ZNF483: variants seen among roughly 807,000 people sequenced by gnomAD.
ZNF483 encodes zinc finger protein HIT-10.
ZNF483 carries 9 observed loss-of-function variants against 28.6 expected under a neutral mutation model. The observed-to-expected ratio is 0.32, with a 90% CI of 0.19 to 0.55. The LOEUF is 0.55. ZNF483 is among the 20% of genes least tolerant of loss of function. The probability of loss-of-function intolerance (pLI) is 0.93; values close to 1 mark genes in which losing one functional copy is unlikely to be tolerated. For synonymous variants in ZNF483, 322 were observed against 306.2 expected (o/e 1.05, Z -0.54); for missense variants, 675 against 871.7 (o/e 0.77, Z 2.84).
At position 111,561,110 on chromosome 9, in the gene ZNF483, T is replaced by TATATATATATATAGAG. The variant is rs1457364862; in HGVS notation, c.722-15254_722-15253insTATATATATATAGAGA. On this transcript the variant is annotated intron_variant, in intron 5 of 5. Transcript: ENST00000358151. Reference sequence around the variant, plus strand: ...ATATATATATATATATATATATATATAGAGAGAGAGAGAGAGAGAGAGAGA... The same window carrying TATATATATATATAGAG: ...ATATATATATATATATATATATATATATATATATATATAGAGAGAGAGAGAGAGAGAGAGAGAGAGA... Among the ~76,000 whole-genome samples the TATATATATATATAGAG allele has an allele frequency of 1.0e-4, 2 of 19,198 alleles. 1 individual carries two copies. Among genetic ancestry groups the TATATATATATATAGAG allele is most frequent in the Non-Finnish European group, 1.7e-4 (2 of 12,004 alleles). The allele number at this position is 19,198 out of a possible 152,430, so 12.6% of individuals were successfully genotyped here.
At position 111,527,461 on chromosome 9, in the gene ZNF483, G is replaced by C; in HGVS notation, c.66G>C (p.Ser22=). The change falls in exon 2 of 6, where the codon TCG becomes TCC. Residue 22 remains serine, a synonymous_variant. Coordinates refer to ENST00000309235, the MANE Select transcript of ZNF483 (RefSeq NM_133464.5). ...CACCAGAACCTCAAACTCTGGCCTC[G>C]ACTGAACAAAATGAGGTCCCAAGAG... The part of the protein sequence containing the change: ...AISPEPQTLA[S]TEQNEVPRVV... 3.1e-6 allele frequency: 5 copies of C among 1,614,054 alleles called. No homozygotes were observed. Among genetic ancestry groups the C allele is most frequent in the Non-Finnish European group, 4.2e-6 (5 of 1,180,012 alleles).
Position 111,552,548 on chromosome 9 carries a change from G to A in ZNF483, c.*9378G>A, listed in dbSNP as rs186115594. Among the ~76,000 whole-genome samples, 1 of 152,280 alleles carries A rather than the reference G, an allele frequency of 6.6e-6. No homozygotes were observed. The highest frequency in any genetic ancestry group is 6.5e-5 in the Admixed American group (1 of 15,294). ...CCTTGTGATAGAAACTAACTTTTCT[G>A]TCTCTAACTGAAATTCTTTGACAGA... On this transcript the variant is annotated 3_prime_UTR_variant, in exon 6 of 6. Transcript: ENST00000309235.
At chr9:111,532,406 C>T (rs1475788533) in intron 3 of ZNF483, among the ~76,000 whole-genome samples, 2 of 152,038 alleles carry the variant, frequency 1.3e-5, no homozygotes. Context: ...AGTGTCCTTG[C>T]TAGAGAGGCA....
intron 5 of ZNF483, among the ~76,000 whole-genome samples, chr9:111,575,810 G>T (rs914375008): frequency 9.2e-5 from 14 of 151,828 alleles, no homozygotes; most frequent in South Asian, 2.1e-4. Context: ...GAAAACACAG[G>T]AATAAATATT....
Position 111,543,254 on chromosome 9 carries a change from C to G in ZNF483, c.*84C>G. On this transcript the variant is annotated 3_prime_UTR_variant, in exon 6 of 6. Coordinates refer to ENST00000309235, the MANE Select transcript of ZNF483 (RefSeq NM_133464.5). The stretch of plus-strand genomic sequence containing the variant: ...TGGGATGTAAACTTACAGTATTGAT[C>G]AGTAGCTGCAGCTTTCGTAAATTGG... The G allele has an allele frequency of 1.3e-6, 2 of 1,482,378 alleles. No homozygotes were observed. The highest frequency in any genetic ancestry group is 1.8e-6 in the Non-Finnish European group (2 of 1,123,166). 91.8% of individuals were successfully genotyped at this position (1,482,378 alleles called of 1,614,324 possible).
intron 5 of ZNF483, among the ~76,000 whole-genome samples, chr9:111,537,506 C>T (rs1468181042): frequency 2.0e-5 from 3 of 152,188 alleles, no homozygotes; most frequent in Non-Finnish European, 4.4e-5. Flanking sequence ...AGCCACAGCG[C>T]CTGGCCTACC....
At chr9:111,529,132 C>T (rs1331053394) in intron 2 of ZNF483, among the ~76,000 whole-genome samples, 4 of 115,604 alleles carry the variant, frequency 3.5e-5, no homozygotes, top group South Asian at 2.9e-4. Context: ...AGCGAAACTC[C>T]GTCTCAAAAA....
Position 111,555,314 on chromosome 9 carries a change from C to G in ZNF483, c.*12144C>G, listed in dbSNP as rs1279591229. 1.3e-5 allele frequency among the ~76,000 whole-genome samples: 2 copies of G among 152,112 alleles called. No individual in the cohort carries two copies. The highest frequency in any genetic ancestry group is 6.5e-5 in the Admixed American group (1 of 15,278). On this transcript the variant is annotated 3_prime_UTR_variant, in exon 6 of 6. Coordinates refer to ENST00000309235, the MANE Select transcript of ZNF483 (RefSeq NM_133464.5). ...AGTGGCATTTTGAGCTCAAACTGTT[C>G]TGTGCACATTTTCAAACTCTTTAGC... is the stretch of plus-strand genomic sequence containing the variant.
intron 5 of ZNF483, chr9:111,539,421 C>A (rs1012696594): frequency 2.2e-6 from 1 of 456,062 alleles, no homozygotes; most frequent in East Asian, 7.0e-5. Context: ...TTTAGTAATT[C>A]TGCTTTTATG....
Position 111,549,921 on chromosome 9 carries a change from C to T in ZNF483, c.*6751C>T, listed in dbSNP as rs1435121583. The T allele has an allele frequency of 1.2e-5, 8 of 643,888 alleles. No homozygotes were observed. In the East Asian group the frequency reaches 1.8e-4, roughly 14 times the overall value. The allele number at this position is 643,888 out of a possible 1,614,324, so 39.9% of individuals were successfully genotyped here. On this transcript the variant is annotated 3_prime_UTR_variant, in exon 6 of 6. Coordinates refer to ENST00000309235, the MANE Select transcript of ZNF483 (RefSeq NM_133464.5). ...CATTTTTTGTTGGTTTATTTTGTGC[C>T]TTTGAATGGTCAATACTTGTTTCTT...
Position 111,536,438 on chromosome 9 carries a change from TC to T in ZNF483, c.721+2086del, listed in dbSNP as rs1259106678. Among the ~76,000 whole-genome samples the T allele has an allele frequency of 1.1e-4, 16 of 151,884 alleles. 1 individual carries two copies. The highest frequency in any genetic ancestry group is 1.3e-4 in the Admixed American group (2 of 15,272). ...TACTCTGGAGGCTGAGGCAGGAGAA[TC>T]GCTTGAACCTGGGAAGTGGAGCTTG... On this transcript the variant is annotated intron_variant, in intron 5 of 5. Transcript: ENST00000309235.
At chr9:111,563,202 A>C in intron 5 of ZNF483, 1 of 1,613,886 alleles carries the variant, frequency 6.2e-7, no homozygotes, top group Non-Finnish European at 8.5e-7. Flanking sequence ...CAAATCCTTC[A>C]ATGATATATT....
chr9:111,573,850 G>A (rs1037795229), intron 5 of ZNF483, among the ~76,000 whole-genome samples: 1 of 152,132 alleles, frequency 6.6e-6, no homozygotes, highest in East Asian at 1.9e-4. Flanking sequence ...GAGCGGGAGG[G>A]ATGTGGTTTC....
intron 5 of ZNF483, among the ~76,000 whole-genome samples, chr9:111,538,318 C>G (rs1470997322): frequency 6.6e-6 from 1 of 151,816 alleles, no homozygotes; most frequent in Non-Finnish European, 1.5e-5. Context: ...AGTTTGAGAC[C>G]AGCCTGGGCA....
Position 111,544,987 on chromosome 9 carries a change from G to T in ZNF483, c.*1817G>T, listed in dbSNP as rs1029168334. On this transcript the variant is annotated 3_prime_UTR_variant, in exon 6 of 6. Coordinates refer to ENST00000309235, the MANE Select transcript of ZNF483 (RefSeq NM_133464.5). ...AACTCTTCACTTATGGAAGTAAAGCGATCCTTAATGCTAATCTTAGACTCA... is the reference window on the plus strand; with the variant it reads ...AACTCTTCACTTATGGAAGTAAAGCTATCCTTAATGCTAATCTTAGACTCA... Among the ~76,000 whole-genome samples the T allele has an allele frequency of 6.6e-6, 1 of 152,106 alleles. No homozygotes were observed. The highest frequency in any genetic ancestry group is 2.4e-5 in the African/African-American group (1 of 41,422).
intron 5 of ZNF483, among the ~76,000 whole-genome samples, chr9:111,565,652 T>C (rs1198664384): frequency 2.6e-5 from 4 of 152,034 alleles, no homozygotes; most frequent in East Asian, 1.9e-4. Flanking sequence ...GCCTCCCGAG[T>C]AGCTGGGACT....
intron 5 of ZNF483, among the ~76,000 whole-genome samples, chr9:111,560,473 C>CAA (rs752283590): frequency 0.018 from 1,722 of 94,252 alleles, 31 homozygotes; most frequent in Non-Finnish European, 0.028. Context: ...GACTCCATCT[C>CAA]AAAAAAAAAA....
Position 111,548,012 on chromosome 9 carries a change from A to G in ZNF483, c.*4842A>G, listed in dbSNP as rs565996216. On this transcript the variant is annotated 3_prime_UTR_variant, in exon 6 of 6. Transcript: ENST00000309235. ...TTTGTCTTTATGCCAGTACCATGCT[A>G]TTTTGATTACTCCAGTAATGTTTTG... 2.0e-5 allele frequency among the ~76,000 whole-genome samples: 3 copies of G among 152,156 alleles called. No individual in the cohort carries two copies. Among genetic ancestry groups the G allele is most frequent in the African/African-American group, 7.2e-5 (3 of 41,514 alleles).
chr9:111,539,220 T>C (rs1372723439), intron 5 of ZNF483, among the ~76,000 whole-genome samples: 1 of 151,578 alleles, frequency 6.6e-6, no homozygotes, highest in Non-Finnish European at 1.5e-5. Flanking sequence ...ATTTAAAATT[T>C]AAATAGCTTG....
Sources: gnomAD v4.1 joint callset for allele counts (sites outside exome capture counted in the v4.1 genomes callset) on GRCh38, gnomAD v4.1.1 for gene constraint, MANE v1.5 for transcripts, NCBI Gene and HGNC (gene_info 2026-07-23, HGNC 2026-07-21) for gene names.